Variants in ADGRE3 observed in about 807,000 individuals in gnomAD.
ADGRE3 encodes adhesion G protein-coupled receptor E3.
Under a neutral mutation model 80.1 loss-of-function variants are expected in ADGRE3, and 88 were observed. That is an observed-to-expected ratio of 1.10 (90% CI 0.93 to 1.31). ADGRE3 has a LOEUF of 1.31. Among genes scored for constraint, ADGRE3 ranks in the 40% most tolerant of loss-of-function variants. The pLI is 0.00. For missense variants in ADGRE3, 715 were observed against 776.5 expected (o/e 0.92, Z 0.94); for synonymous variants, 281 against 294.8 (o/e 0.95, Z 0.48).
Position 14,660,657 on chromosome 19 carries a change from C to T in ADGRE3, c.355+1306G>A, listed in dbSNP as rs1329479984. ...AAAAAAAGTTTCTCTCTTATTATCC[C>T]TACGGTAGTCAATACCTCATGGGTG... On this transcript the variant is annotated intron_variant, in intron 4 of 15. Coordinates refer to ENST00000253673, the MANE Select transcript of ADGRE3 (RefSeq NM_032571.5). 2.0e-5 allele frequency among the ~76,000 whole-genome samples: 3 copies of T among 151,682 alleles called. No individual in the cohort carries two copies. The South Asian group carries it at 6.2e-4, about 32-fold the overall frequency.
At chr19:14,616,291 C>T (rs575553020), downstream of ADGRE3, among the ~76,000 whole-genome samples, 25 of 152,168 alleles carry the variant, frequency 1.6e-4, no homozygotes, top group Admixed American at 1.2e-3. Context: ...CTTCACACCC[C>T]GTTGGTGTTT....
chr19:14,613,376 C>T, the ADGRE3 span, among the ~76,000 whole-genome samples: 1 of 151,156 alleles, frequency 6.6e-6, no homozygotes, highest in African/African-American at 2.4e-5. Context: ...TGTGCCCCCA[C>T]CACACCCAGC....
intron 14 of ADGRE3, chr19:14,628,528 G>T: frequency 6.0e-6 from 1 of 167,936 alleles, no homozygotes; most frequent in South Asian, 1.6e-4. Context: ...AAGTGGAGAT[G>T]AGTTCTGCCT....
intron 9 of ADGRE3, 86 bp downstream of exon 9, chr19:14,644,019 GTTT>G (rs61276204): frequency 0.014 from 9,345 of 670,436 alleles, 5 homozygotes; most frequent in East Asian, 0.034. Flanking sequence ...CCTTTTTTCA[GTTT>G]TTTTTTTTTT....
At chr19:14,662,183 T>A (rs1048326598) in intron 3 of ADGRE3, 65 bp from the exon 4 acceptor site, 2 of 1,526,000 alleles carry the variant, frequency 1.3e-6, no homozygotes, top group African/African-American at 2.7e-5. Context: ...CTACTATGTG[T>A]CAGGAGTTGT....
chr19:14,651,078 G>A lies in ADGRE3; in HGVS notation c.697+7C>T. 6.2e-7 allele frequency: 1 copy of A among 1,613,930 alleles called. No individual in the cohort carries two copies. Among genetic ancestry groups the A allele is most frequent in the Non-Finnish European group, 8.5e-7 (1 of 1,179,946 alleles). ...TGAAGGATTCTGAATGCAGCCATCA[G>A]GCATACCTTGTGTGTCTCCCTGGAT... is the stretch of plus-strand genomic sequence containing the variant. On this transcript the variant is annotated splice_region_variant and intron_variant, in intron 7 of 15. Coordinates refer to ENST00000253673, the MANE Select transcript of ADGRE3 (RefSeq NM_032571.5).
At chr19:14,662,162 T>A (rs370711077) in intron 3 of ADGRE3, 44 bp from the exon 4 acceptor site, 4 of 1,599,530 alleles carry the variant, frequency 2.5e-6, no homozygotes, top group Non-Finnish European at 2.6e-6. Flanking sequence ...CAGCAAAGAT[T>A]TATTGAGCAG....
intron 9 of ADGRE3, among the ~76,000 whole-genome samples, chr19:14,642,268 T>C (rs1971275454): frequency 6.6e-6 from 1 of 152,182 alleles, no homozygotes; most frequent in Non-Finnish European, 1.5e-5. Flanking sequence ...TCCCAATGCT[T>C]TGGGAAGCTG....
At chr19:14,660,189 G>A (rs988028482) in intron 4 of ADGRE3, among the ~76,000 whole-genome samples, 1 of 152,138 alleles carries the variant, frequency 6.6e-6, no homozygotes, top group African/African-American at 2.4e-5. Context: ...AAAGGACGGT[G>A]CAGACCTCTT....
At chr19:14,663,117 C>T (rs771390052) in intron 3 of ADGRE3, among the ~76,000 whole-genome samples, 13 of 151,996 alleles carry the variant, frequency 8.6e-5, no homozygotes, top group Admixed American at 2.0e-4. Flanking sequence ...ATTCTCATGC[C>T]TCAGCCTCTT....
chr19:14,665,936 G>GTATATATATATATATATATATA (rs71309616), intron 2 of ADGRE3, among the ~76,000 whole-genome samples: 3 of 42,088 alleles, frequency 7.1e-5, no homozygotes, highest in Non-Finnish European at 1.2e-4. Context: ...ACACATATGT[G>GTATATATATATATATATATATA]TATATATATA....
chr19:14,652,302 TA>T (rs1007415473), intron 6 of ADGRE3, among the ~76,000 whole-genome samples: 18 of 151,984 alleles, frequency 1.2e-4, no homozygotes, highest in Non-Finnish European at 2.2e-4. Context: ...TTAATAAAGC[TA>T]AAAAATGTTA....
intron 2 of ADGRE3, among the ~76,000 whole-genome samples, chr19:14,666,146 G>GA (rs1972101651): frequency 6.6e-6 from 1 of 150,980 alleles, no homozygotes. Flanking sequence ...TCAAATGGTA[G>GA]AGCTACTTTT....
chr19:14,668,507 C>A, intron 2 of ADGRE3: 2 of 467,570 alleles, frequency 4.3e-6, no homozygotes, highest in Non-Finnish European at 7.5e-6. Context: ...TCTCTCCCCA[C>A]TAGAATGTCT....
intron 8 of ADGRE3, among the ~76,000 whole-genome samples, chr19:14,646,485 A>G (rs1971402847): frequency 6.6e-6 from 1 of 151,036 alleles, no homozygotes; most frequent in Non-Finnish European, 1.5e-5. Flanking sequence ...TTTATGGGAT[A>G]CAGTGTGATT....
At chr19:14,636,141 T>TTC (rs1555755833) in intron 11 of ADGRE3, among the ~76,000 whole-genome samples, 308 of 15,530 alleles carry the variant, frequency 0.02, 40 homozygotes, top group Middle Eastern at 0.042. Context: ...TTTCTTTCTT[T>TTC]CTTTCTTTCT....
chr19:14,610,447 T>C, the ADGRE3 span: 130,083 of 510,290 alleles, frequency 0.25, 19,447 homozygotes, highest in East Asian at 0.47. Flanking sequence ...GTCTCCCACT[T>C]CTGGGGTTGA....
chr19:14,649,052 ATCTC>A, intron 7 of ADGRE3, among the ~76,000 whole-genome samples: 1 of 128,862 alleles, frequency 7.8e-6, no homozygotes, highest in Non-Finnish European at 1.6e-5. Context: ...ATCTCTCCCC[ATCTC>A]TCTAATTCCA....
intron 5 of ADGRE3, among the ~76,000 whole-genome samples, chr19:14,655,441 G>A (rs1272888444): frequency 1.3e-5 from 2 of 152,018 alleles, no homozygotes; most frequent in Non-Finnish European, 1.5e-5. Context: ...TCTGGTAAAA[G>A]CTATGTAAGG....
Sources: gnomAD v4.1 joint callset for allele counts (sites outside exome capture counted in the v4.1 genomes callset) on GRCh38, gnomAD v4.1.1 for gene constraint, MANE v1.5 for transcripts, NCBI Gene and HGNC (gene_info 2026-07-23, HGNC 2026-07-21) for gene names.